The following WDR27 variants were observed in gnomAD, a reference collection of about 807,000 sequenced individuals.
The protein encoded by WDR27 is WD repeat domain 27, also known as WD repeat-containing protein 27.
A neutral mutation model predicts 114.4 loss-of-function variants in WDR27; 100 were observed. The ratio of observed to expected loss-of-function variants is 0.87; its 90% CI spans 0.74 to 1.03. The LOEUF (loss-of-function observed/expected upper bound fraction) is 1.03, where lower values mean the gene tolerates loss of function less well. Among genes scored for constraint, WDR27 ranks in the 50% least tolerant of loss-of-function variants. The pLI is 0.00. For missense variants in WDR27, 1,129 were observed against 1,092.9 expected (o/e 1.03, Z -0.47); for synonymous variants, 449 against 423.1 (o/e 1.06, Z -0.75).
At chr6:169,551,932 A>C (rs140770023) in intron 25 of WDR27, among the ~76,000 whole-genome samples, 3 of 152,086 alleles carry the variant, frequency 2.0e-5, no homozygotes, top group African/African-American at 4.8e-5. Flanking sequence ...CTTTATTTAC[A>C]AAAACAGGGT....
rs577867320 is a variant in WDR27 at position 169,631,427 on chromosome 6, G to T, written c.2223+1520C>A. ...CTATTAATGAACTGGGTGGTGGGGT[G>T]GGGGGGTGGAAGATTAAAAGGAAGG... On this transcript the variant is annotated intron_variant, in intron 21 of 25. Transcript: ENST00000448612. 8.6e-5 allele frequency among the ~76,000 whole-genome samples: 13 copies of T among 152,040 alleles called. No individual in the cohort carries two copies. The East Asian group carries it at 1.9e-3, about 23-fold the overall frequency.
chr6:169,585,114 A>T (rs1804288435), intron 23 of WDR27, among the ~76,000 whole-genome samples: 1 of 152,230 alleles, frequency 6.6e-6, no homozygotes, highest in Non-Finnish European at 1.5e-5. Flanking sequence ...TGCACACAAA[A>T]GAATGAAATT....
At chr6:169,481,826 C>T (rs1015863025) in intron 25 of WDR27, among the ~76,000 whole-genome samples, 18 of 152,154 alleles carry the variant, frequency 1.2e-4, no homozygotes, top group Non-Finnish European at 8.8e-5. Flanking sequence ...AGTGAGACCA[C>T]GAACCCACCA....
rs747803849 is a variant in WDR27, at chr6:169,659,142, C to T, written c.1263G>A (p.Ala421=). The change falls in exon 12 of 26, where the codon GCG becomes GCA. Residue 421 remains alanine, a synonymous_variant. Coordinates refer to ENST00000448612, the MANE Select transcript of WDR27 (RefSeq NM_182552.5). This position sits in a 1 kb window ranked among gnomAD's most constrained non-coding sequence, Gnocchi z 4.3. ...KIAVLEINPA[A]LVRAQQCPSM... ...TGGGGCACTGCTGAGCCCTGACTAGCGCGGCCGGGTTGATCTCCAACACGG... is the reference window on the plus strand; with the variant it reads ...TGGGGCACTGCTGAGCCCTGACTAGTGCGGCCGGGTTGATCTCCAACACGG... 1.4e-5 allele frequency: 22 copies of T among 1,611,040 alleles called. No individual in the cohort carries two copies. The South Asian group carries it at 2.0e-4, about 15-fold the overall frequency.
intron 10 of WDR27, among the ~76,000 whole-genome samples, chr6:169,660,286 C>T (rs1584981915): frequency 6.6e-6 from 1 of 152,202 alleles, no homozygotes; most frequent in Non-Finnish European, 1.5e-5. Flanking sequence ...GAGTGCGCCT[C>T]GGCCGGGTTT....
At position 169,497,924 on chromosome 6, in the gene WDR27, G is replaced by A. The variant is rs999353153; in HGVS notation, c.2646-40290C>T. On this transcript the variant is annotated intron_variant, in intron 25 of 25. Coordinates refer to ENST00000448612, the MANE Select transcript of WDR27 (RefSeq NM_182552.5). ...GGATATATATATATGCAAAAAAACT[G>A]AAAGCAGGGTCTTGAAGAGATATTT... Among the ~76,000 whole-genome samples, 113 of 152,106 alleles carry A rather than the reference G, an allele frequency of 7.4e-4. 1 individual carries two copies. Among genetic ancestry groups the A allele is most frequent in the African/African-American group, 2.7e-3 (111 of 41,524 alleles).
chr6:169,602,015 G>C (rs1808081411), intron 23 of WDR27, among the ~76,000 whole-genome samples: 1 of 152,234 alleles, frequency 6.6e-6, no homozygotes, highest in East Asian at 1.9e-4. Flanking sequence ...TAATTCATGA[G>C]TGATTAGTTT....
chr6:169,438,773 A>G, the WDR27 span, among the ~76,000 whole-genome samples: 8 of 152,210 alleles, frequency 5.3e-5, no homozygotes, highest in East Asian at 1.3e-3. Context: ...TCAAGTAATC[A>G]GCCTAAGAAA....
intron 25 of WDR27, among the ~76,000 whole-genome samples, chr6:169,561,368 T>C (rs1165376881): frequency 3.9e-5 from 6 of 152,132 alleles, no homozygotes; most frequent in Non-Finnish European, 7.4e-5. Context: ...CATATGAATT[T>C]GGGGGGCAGA....
chr6:169,444,664 T>C, the WDR27 span, among the ~76,000 whole-genome samples: 1 of 148,780 alleles, frequency 6.7e-6, no homozygotes, highest in East Asian at 1.9e-4. Context: ...GTGGACTGTT[T>C]TTTTGTTTTT....
At chr6:169,549,154 C>T (rs1038462156) in intron 25 of WDR27, among the ~76,000 whole-genome samples, 5 of 152,000 alleles carry the variant, frequency 3.3e-5, no homozygotes, top group Non-Finnish European at 5.9e-5. Context: ...AAGACAAATC[C>T]GATAAAGAAC....
chr6:169,554,741 A>T (rs1464996681), intron 25 of WDR27, among the ~76,000 whole-genome samples: 1 of 152,156 alleles, frequency 6.6e-6, no homozygotes, highest in East Asian at 1.9e-4. Flanking sequence ...GATTCGCTGT[A>T]CTTTCCCCAC....
chr6:169,560,323 T>C (rs756654705), intron 25 of WDR27, among the ~76,000 whole-genome samples: 26 of 152,200 alleles, frequency 1.7e-4, no homozygotes, highest in Admixed American at 3.3e-4. Flanking sequence ...TCCCCAGCCA[T>C]ATGGAACCGC....
intron 22 of WDR27, among the ~76,000 whole-genome samples, chr6:169,609,299 A>T (rs1413425657): frequency 1.3e-5 from 2 of 151,982 alleles, no homozygotes; most frequent in African/African-American, 2.4e-5. Flanking sequence ...GGAGGCTCTG[A>T]CCCCACAATT....
chr6:169,652,110 A>G, intron 13 of WDR27, 102 bp from the exon 14 acceptor site: 1 of 981,874 alleles, frequency 1.0e-6, no homozygotes, highest in Non-Finnish European at 1.5e-6. Flanking sequence ...ACATTCACAC[A>G]AACAGAATGA....
At chr6:169,430,659 C>G in the WDR27 span, among the ~76,000 whole-genome samples, 3,079 of 152,340 alleles carry the variant, frequency 0.02, 64 homozygotes, top group East Asian at 0.07. Context: ...TCAAACGAGG[C>G]TCCACTTGTC....
chr6:169,427,072 C>T, the WDR27 span: 5 of 152,642 alleles, frequency 3.3e-5, no homozygotes, highest in African/African-American at 9.7e-5. Context: ...GAGGTACAGC[C>T]GCCGGGAAGA....
chr6:169,631,306 A>G (rs938243776), intron 21 of WDR27, among the ~76,000 whole-genome samples: 1 of 152,208 alleles, frequency 6.6e-6, no homozygotes, highest in Non-Finnish European at 1.5e-5. Context: ...AAAAATGCAG[A>G]AAAATAATCT....
At chr6:169,548,585 A>G (rs1250049970) in intron 25 of WDR27, among the ~76,000 whole-genome samples, 1 of 152,226 alleles carries the variant, frequency 6.6e-6, no homozygotes. Flanking sequence ...TATACTGAGA[A>G]GAGCCAACTC....
Sources: allele counts gnomAD v4.1 joint callset (sites outside exome capture counted in the v4.1 genomes callset), GRCh38; gene constraint gnomAD v4.1.1; non-coding constraint Gnocchi (gnomAD v3.1); transcripts MANE v1.5; gene names NCBI Gene and HGNC (gene_info 2026-07-23, HGNC 2026-07-21).